Variants in CACNA2D1 observed in about 807,000 individuals in gnomAD.
The protein encoded by CACNA2D1 is voltage-dependent calcium channel subunit alpha-2/delta-1.
CACNA2D1 carries 53 observed loss-of-function variants against 171.5 expected under a neutral mutation model. The ratio of observed to expected loss-of-function variants is 0.31; its 90% CI spans 0.25 to 0.39. CACNA2D1 has a LOEUF of 0.39. Among genes scored for constraint, CACNA2D1 ranks in the 10% least tolerant of loss-of-function variants. The pLI is 1.00. For missense variants in CACNA2D1, 903 were observed against 1,299.8 expected (o/e 0.69, Z 4.69); for synonymous variants, 442 against 443.1 (o/e 1.00, Z 0.03).
chr7:82,199,668 T>C (rs767614229), intron 3 of CACNA2D1, among the ~76,000 whole-genome samples: 4 of 152,220 alleles, frequency 2.6e-5, no homozygotes, highest in Middle Eastern at 3.4e-3. Context: ...CAGTTTCTTA[T>C]GAAGTTATAC....
chr7:82,214,452 T>TC (rs1483972856), intron 3 of CACNA2D1, among the ~76,000 whole-genome samples: 3 of 151,944 alleles, frequency 2.0e-5, no homozygotes, highest in African/African-American at 4.8e-5. Flanking sequence ...GGCTTTTTTT[T>TC]TTTTTCTTTT....
intron 3 of CACNA2D1, among the ~76,000 whole-genome samples, chr7:82,258,913 C>T (rs926976901): frequency 2.1e-5 from 3 of 144,514 alleles, no homozygotes; most frequent in South Asian, 2.2e-4. Context: ...CTGCAACCTC[C>T]GCCTCCCAGG....
At chr7:82,223,568 T>C (rs980354422) in intron 3 of CACNA2D1, among the ~76,000 whole-genome samples, 2 of 152,188 alleles carry the variant, frequency 1.3e-5, no homozygotes, top group African/African-American at 2.4e-5. Flanking sequence ...AAATCATACC[T>C]CAAAATGGTA....
At chr7:82,332,236 A>AT (rs1253614415) in intron 3 of CACNA2D1, among the ~76,000 whole-genome samples, 13 of 152,002 alleles carry the variant, frequency 8.6e-5, no homozygotes, top group African/African-American at 2.9e-4. Context: ...TAATTTTTGT[A>AT]TTTTTAGTAA....
chr7:82,355,344 G>A (rs974311338), intron 1 of CACNA2D1, among the ~76,000 whole-genome samples: 1 of 152,142 alleles, frequency 6.6e-6, no homozygotes, highest in African/African-American at 2.4e-5. Context: ...TTGTTTCCAT[G>A]AGAAAATACA....
chr7:82,121,231 C>A (rs962321320), intron 5 of CACNA2D1, among the ~76,000 whole-genome samples: 1 of 152,018 alleles, frequency 6.6e-6, no homozygotes. Context: ...TTTTTAATTT[C>A]TATTGTTCAG....
intron 6 of CACNA2D1, among the ~76,000 whole-genome samples, chr7:82,115,796 T>C (rs1350136792): frequency 6.6e-6 from 1 of 151,494 alleles, no homozygotes; most frequent in Non-Finnish European, 1.5e-5. Context: ...TGAGTCTAAA[T>C]AAACTTTAAC....
intron 7 of CACNA2D1, among the ~76,000 whole-genome samples, chr7:82,079,336 G>A (rs1212914440): frequency 6.6e-6 from 1 of 152,108 alleles, no homozygotes; most frequent in Admixed American, 6.5e-5. Flanking sequence ...AAGTATACTG[G>A]TGGAGGTGGG....
rs258686 is a variant in CACNA2D1, at chr7:82,109,621, A to C, written c.526+7423T>G. Among the ~76,000 whole-genome samples, 955 of 152,244 alleles carry C rather than the reference A, an allele frequency of 6.3e-3. 10 individuals carry two copies. The highest frequency in any genetic ancestry group is 0.022 in the African/African-American group (918 of 41,534). On this transcript the variant is annotated intron_variant, in intron 6 of 38. Transcript: ENST00000356860. ...TATCAAATAAAAAAATATTTTTTGGAATTATTTGACTGTTGTTCATGAAAC... is the reference window on the plus strand; with the variant it reads ...TATCAAATAAAAAAATATTTTTTGGCATTATTTGACTGTTGTTCATGAAAC...
chr7:81,987,354 T>TA (rs1797075005), intron 21 of CACNA2D1, among the ~76,000 whole-genome samples: 1 of 152,182 alleles, frequency 6.6e-6, no homozygotes. Flanking sequence ...GATTAAAGTT[T>TA]AATAAAGCAA....
chr7:82,181,632 T>C (rs927313047), intron 3 of CACNA2D1, among the ~76,000 whole-genome samples: 2 of 152,200 alleles, frequency 1.3e-5, no homozygotes, highest in African/African-American at 4.8e-5. Flanking sequence ...AAGTTTTAGA[T>C]TATCTTAAAA....
intron 3 of CACNA2D1, among the ~76,000 whole-genome samples, chr7:82,236,621 AT>A (rs1249813608): frequency 1.3e-5 from 2 of 152,086 alleles, no homozygotes; most frequent in Non-Finnish European, 2.9e-5. Flanking sequence ...TAGAGTAAGC[AT>A]TTTCTTCACT....
chr7:82,082,455 G>C (rs1254156335), intron 7 of CACNA2D1, among the ~76,000 whole-genome samples: 1 of 152,024 alleles, frequency 6.6e-6, no homozygotes, highest in Admixed American at 6.5e-5. Flanking sequence ...AGAACGGGGA[G>C]TTCATGTTGA....
At chr7:82,272,396 A>C (rs1425163510) in intron 3 of CACNA2D1, among the ~76,000 whole-genome samples, 1 of 152,240 alleles carries the variant, frequency 6.6e-6, no homozygotes, top group Non-Finnish European at 1.5e-5. Flanking sequence ...ATATGTCTAC[A>C]AATTTGATAC....
At chr7:82,153,095 TG>T (rs1287898980) in intron 4 of CACNA2D1, among the ~76,000 whole-genome samples, 21 of 150,126 alleles carry the variant, frequency 1.4e-4, no homozygotes, top group African/African-American at 5.1e-4. Context: ...CTAGATCAAA[TG>T]AAATTACTTT....
chr7:82,273,169 G>A (rs1238172217), intron 3 of CACNA2D1, among the ~76,000 whole-genome samples: 1 of 152,080 alleles, frequency 6.6e-6, no homozygotes, highest in Non-Finnish European at 1.5e-5. Context: ...AGAGGAGATA[G>A]AAACACACTA....
intron 1 of CACNA2D1, among the ~76,000 whole-genome samples, chr7:82,406,517 A>G (rs1827064280): frequency 6.6e-6 from 1 of 152,162 alleles, no homozygotes; most frequent in Non-Finnish European, 1.5e-5. Flanking sequence ...CAACAGTGCA[A>G]AAGTGTTCCT....
chr7:82,285,566 C>G (rs1452131387), intron 3 of CACNA2D1, among the ~76,000 whole-genome samples: 1 of 152,014 alleles, frequency 6.6e-6, no homozygotes, highest in African/African-American at 2.4e-5. Context: ...CAGTACTATC[C>G]ATATATTATG....
intron 1 of CACNA2D1, among the ~76,000 whole-genome samples, chr7:82,395,796 AT>A (rs2129451182): frequency 6.6e-6 from 1 of 152,308 alleles, no homozygotes; most frequent in South Asian, 2.1e-4. Context: ...TATGCTAGAA[AT>A]ATTTTCTAGC....
Sources: allele counts gnomAD v4.1 joint callset (sites outside exome capture counted in the v4.1 genomes callset), GRCh38; gene constraint gnomAD v4.1.1; transcripts MANE v1.5; gene names NCBI Gene and HGNC (gene_info 2026-07-23, HGNC 2026-07-21).